Variants in SUMF1 observed in about 807,000 individuals in gnomAD.
SUMF1 encodes formylglycine-generating enzyme.
A neutral mutation model predicts 47.6 loss-of-function variants in SUMF1; 48 were observed. The observed-to-expected ratio is 1.01, with a 90% CI of 0.80 to 1.28. SUMF1 has a LOEUF of 1.28. Ranked by LOEUF, SUMF1 falls within the 50% of genes most tolerant of loss-of-function variation. The pLI, the probability that SUMF1 is intolerant of heterozygous loss-of-function variation, is 0.00. For missense variants in SUMF1, 571 were observed against 485.4 expected, an observed-to-expected ratio of 1.18 and a Z score of -1.66; for synonymous variants, 230 against 192.1, an observed-to-expected ratio of 1.20 and a Z score of -1.63.
intron 8 of SUMF1, among the ~76,000 whole-genome samples, chr3:4,227,957 A>G (rs1446823210): frequency 6.6e-6 from 1 of 152,150 alleles, no homozygotes; most frequent in African/African-American, 2.4e-5. Flanking sequence ...ACTTAGGTTA[A>G]GACCTAAAGA....
At chr3:4,425,443 C>A (rs1187861610) in intron 3 of SUMF1, among the ~76,000 whole-genome samples, 1 of 152,158 alleles carries the variant, frequency 6.6e-6, no homozygotes, top group African/African-American at 2.4e-5. Context: ...TCTCTTAGAG[C>A]TTTCAGAGAA....
rs1179884397 is a variant in SUMF1, at chr3:4,124,131, TC to T, written c.1015-55387del. 2.0e-5 allele frequency among the ~76,000 whole-genome samples: 3 copies of T among 152,276 alleles called. No individual in the cohort carries two copies. In the East Asian group the frequency reaches 5.8e-4, roughly 29 times the overall value. ...ATCAATTTCTTTTTGTCTTTTTCTT[TC>T]CAAAAAATAAAAATCTCATTTATAA... is the stretch of plus-strand genomic sequence containing the variant. On this transcript the variant is annotated intron_variant and NMD_transcript_variant, in intron 8 of 12. Coordinates refer to the SUMF1 transcript ENST00000448413.
At chr3:4,442,410 C>T (rs1257387411) in intron 3 of SUMF1, among the ~76,000 whole-genome samples, 2 of 96,112 alleles carry the variant, frequency 2.1e-5, no homozygotes, top group African/African-American at 6.1e-5. Flanking sequence ...CGCCCAACAC[C>T]ACGCCCGGCT....
At chr3:4,454,240 A>T (rs191128168) in intron 1 of SUMF1, among the ~76,000 whole-genome samples, 189 of 152,308 alleles carry the variant, frequency 1.2e-3, no homozygotes, top group African/African-American at 4.4e-3. Context: ...GAAGACAGCA[A>T]TTGGGGCTGC....
At chr3:4,260,306 G>T (rs1244703892) in intron 8 of SUMF1, among the ~76,000 whole-genome samples, 1 of 152,036 alleles carries the variant, frequency 6.6e-6, no homozygotes, top group Non-Finnish European at 1.5e-5. Flanking sequence ...GTCAGTTCTG[G>T]CTAATTGATA....
chr3:4,157,987 C>G (rs1364170502), intron 8 of SUMF1, among the ~76,000 whole-genome samples: 2 of 151,466 alleles, frequency 1.3e-5, no homozygotes, highest in South Asian at 4.1e-4. Context: ...TTTAATATAT[C>G]ACAGAAAAGC....
At chr3:4,347,815 A>G (rs1433622217) in intron 8 of SUMF1, among the ~76,000 whole-genome samples, 3 of 152,228 alleles carry the variant, frequency 2.0e-5, no homozygotes, top group Admixed American at 1.3e-4. Context: ...TCTTGAACTG[A>G]TAAGAAACTT....
At chr3:4,422,423 G>A (rs1280752637) in intron 3 of SUMF1, among the ~76,000 whole-genome samples, 3 of 151,460 alleles carry the variant, frequency 2.0e-5, no homozygotes, top group African/African-American at 2.4e-5. Context: ...ATAGCAATAT[G>A]TTAACCTCCA....
chr3:4,349,899 A>G (rs1047411143), intron 8 of SUMF1, among the ~76,000 whole-genome samples: 1 of 152,002 alleles, frequency 6.6e-6, no homozygotes, highest in African/African-American at 2.4e-5. Flanking sequence ...CCAACACGGC[A>G]CATGTATTCC....
intron 8 of SUMF1, among the ~76,000 whole-genome samples, chr3:4,237,951 C>A (rs1260343816): frequency 1.3e-5 from 2 of 151,780 alleles, no homozygotes; most frequent in Non-Finnish European, 2.9e-5. Context: ...CCCCAACAGG[C>A]CCCAGTGTGT....
chr3:4,450,234 G>C (rs1482673643), intron 2 of SUMF1, among the ~76,000 whole-genome samples: 1 of 152,162 alleles, frequency 6.6e-6, no homozygotes, highest in African/African-American at 2.4e-5. Flanking sequence ...AGTAGTTCAA[G>C]AGATGCACTT....
chr3:4,117,785 C>CT (rs1281576261), intron 8 of SUMF1, among the ~76,000 whole-genome samples: 1 of 152,076 alleles, frequency 6.6e-6, no homozygotes, highest in African/African-American at 2.4e-5. Context: ...GTTTTCTGCT[C>CT]TGTCTGAAAT....
chr3:4,440,807 C>G (rs1379054157), intron 3 of SUMF1, among the ~76,000 whole-genome samples: 1 of 152,186 alleles, frequency 6.6e-6, no homozygotes, highest in African/African-American at 2.4e-5. Flanking sequence ...CCAGAAAGTG[C>G]CAAGCTACAA....
chr3:4,216,554 A>T (rs1695929177), intron 8 of SUMF1, among the ~76,000 whole-genome samples: 1 of 152,220 alleles, frequency 6.6e-6, no homozygotes, highest in African/African-American at 2.4e-5. Flanking sequence ...ATCTAACTAA[A>T]TTAAAGAGCT....
chr3:4,053,467 A>G (rs1330502102), intron 9 of SUMF1, among the ~76,000 whole-genome samples: 1 of 152,200 alleles, frequency 6.6e-6, no homozygotes, highest in Non-Finnish European at 1.5e-5. Context: ...GCCTTGCTTT[A>G]CGCAAGGTTG....
At chr3:4,102,971 G>A (rs1422569445) in intron 8 of SUMF1, among the ~76,000 whole-genome samples, 1 of 151,536 alleles carries the variant, frequency 6.6e-6, no homozygotes, top group Non-Finnish European at 1.5e-5. Flanking sequence ...CACCCAGGCT[G>A]GAGTGTAGTA....
chr3:4,073,871 C>CTCTTCCCAT (rs1261401815), intron 8 of SUMF1, among the ~76,000 whole-genome samples: 2 of 152,148 alleles, frequency 1.3e-5, no homozygotes, highest in East Asian at 3.9e-4. Context: ...GGGACTTAGA[C>CTCTTCCCAT]TCCTACACAA....
At chr3:4,384,445 G>A (rs1408569412) in intron 7 of SUMF1, among the ~76,000 whole-genome samples, 3 of 152,094 alleles carry the variant, frequency 2.0e-5, no homozygotes, top group Non-Finnish European at 2.9e-5. Flanking sequence ...GATCCCTTAC[G>A]TTGCCCTTTT....
intron 9 of SUMF1, among the ~76,000 whole-genome samples, chr3:4,052,794 G>A (rs1695135805): frequency 6.6e-6 from 1 of 152,012 alleles, no homozygotes. Flanking sequence ...CAAATTTTTT[G>A]GTTTTCCAGA....
Sources: allele counts gnomAD v4.1 joint callset (sites outside exome capture counted in the v4.1 genomes callset), GRCh38; gene constraint gnomAD v4.1.1; transcripts MANE v1.5; gene names NCBI Gene and HGNC (gene_info 2026-07-23, HGNC 2026-07-21).